Variants in CCDC149 observed in about 807,000 individuals in gnomAD.
CCDC149 encodes coiled-coil domain containing 149, also known as coiled-coil domain-containing protein 149.
CCDC149 carries 45 observed loss-of-function variants against 59.9 expected under a neutral mutation model. The ratio of observed to expected loss-of-function variants is 0.75; its 90% CI spans 0.59 to 0.96. CCDC149 has a LOEUF of 0.96. Among genes scored for constraint, CCDC149 ranks in the 40% least tolerant of loss-of-function variants. The probability of loss-of-function intolerance (pLI) is 0.00; values close to 1 mark genes in which losing one functional copy is unlikely to be tolerated. For missense variants in CCDC149, 584 were observed against 664.7 expected (o/e 0.88, Z 1.33); for synonymous variants, 245 against 260.6 (o/e 0.94, Z 0.58).
intron 1 of CCDC149, among the ~76,000 whole-genome samples, chr4:24,953,477 G>C (rs530816295): frequency 6.6e-6 from 1 of 152,142 alleles, no homozygotes; most frequent in Non-Finnish European, 1.5e-5. Flanking sequence ...AAGTGACTGC[G>C]CATAGCCAGG....
intron 1 of CCDC149, among the ~76,000 whole-genome samples, chr4:24,968,289 C>T (rs1438790039): frequency 6.6e-6 from 1 of 152,224 alleles, no homozygotes; most frequent in Non-Finnish European, 1.5e-5. Context: ...AAACAGCTAG[C>T]ACCTGTATAT....
intron 6 of CCDC149, among the ~76,000 whole-genome samples, chr4:24,836,856 C>T (rs1335349309): frequency 6.6e-6 from 1 of 152,126 alleles, no homozygotes; most frequent in Non-Finnish European, 1.5e-5. Context: ...AAGTTAGACA[C>T]ACACACACTG....
At chr4:24,870,113 C>T (rs1306324849) in intron 3 of CCDC149, among the ~76,000 whole-genome samples, 1 of 152,190 alleles carries the variant, frequency 6.6e-6, no homozygotes, top group Non-Finnish European at 1.5e-5. Flanking sequence ...GTCAGGTAAA[C>T]TACAGAATGT....
intron 1 of CCDC149, among the ~76,000 whole-genome samples, chr4:24,907,477 C>G (rs1196234235): frequency 6.6e-6 from 1 of 152,168 alleles, no homozygotes; most frequent in East Asian, 1.9e-4. Flanking sequence ...TGAGCGATTT[C>G]TTGCAGTTTA....
chr4:24,824,051 G>A (rs1257907077), intron 9 of CCDC149, among the ~76,000 whole-genome samples: 2 of 152,164 alleles, frequency 1.3e-5, no homozygotes, highest in South Asian at 2.1e-4. Flanking sequence ...GTTTCTTAAC[G>A]AGATCAGATC....
chr4:24,913,375 G>A (rs188077027), upstream of CCDC149, among the ~76,000 whole-genome samples: 612 of 152,348 alleles, frequency 4.0e-3, 4 homozygotes, highest in African/African-American at 0.014. Flanking sequence ...TTGGTTCGCA[G>A]ATGTGCCTTT....
intron 9 of CCDC149, chr4:24,827,105 A>G (rs2109119399): frequency 6.6e-6 from 1 of 152,370 alleles, no homozygotes; most frequent in South Asian, 2.1e-4. Context: ...GGTTTTAGAT[A>G]GTAATGACAT....
upstream of CCDC149, among the ~76,000 whole-genome samples, chr4:24,917,723 G>A (rs574596710): frequency 1.3e-5 from 2 of 152,232 alleles, no homozygotes; most frequent in East Asian, 1.9e-4. Flanking sequence ...TGCAGCCCAC[G>A]GAAGGAGTTA....
chr4:24,919,972 G>C (rs1722238632), intron 1 of CCDC149, among the ~76,000 whole-genome samples: 1 of 152,200 alleles, frequency 6.6e-6, no homozygotes, highest in African/African-American at 2.4e-5. Flanking sequence ...GGCCCAGAGA[G>C]ATAAAGCAAT....
At chr4:24,915,130 A>G (rs1490723635), upstream of CCDC149, among the ~76,000 whole-genome samples, 32 of 152,268 alleles carry the variant, frequency 2.1e-4, no homozygotes, top group Admixed American at 2.1e-3. Context: ...CTAAGGAGCT[A>G]GAAAGAAGGT....
chr4:24,962,502 A>G (rs942350731), intron 1 of CCDC149, among the ~76,000 whole-genome samples: 2 of 152,256 alleles, frequency 1.3e-5, no homozygotes, highest in Admixed American at 6.5e-5. Flanking sequence ...TATCCGCTAT[A>G]CCTGGATTAA....
At chr4:24,964,684 A>C (rs947499459) in intron 1 of CCDC149, among the ~76,000 whole-genome samples, 1 of 152,174 alleles carries the variant, frequency 6.6e-6, no homozygotes, top group Non-Finnish European at 1.5e-5. Context: ...AATGGCTGAA[A>C]ACTCCCCGAA....
rs577458639 is a variant in CCDC149 at position 24,811,295 on chromosome 4, T to C, written c.1193-2476A>G. On this transcript the variant is annotated intron_variant, in intron 12 of 12. Transcript: ENST00000635206. Reference sequence around the variant, plus strand: ...ACTGATCTGTAGAGCTAGGAACCCATATCCACTGCTTTCACTTCCCAGAGC... The same window carrying C: ...ACTGATCTGTAGAGCTAGGAACCCACATCCACTGCTTTCACTTCCCAGAGC... Among the ~76,000 whole-genome samples the C allele has an allele frequency of 2.6e-4, 40 of 152,288 alleles. 1 individual carries two copies. The South Asian group carries it at 6.4e-3, about 24-fold the overall frequency.
At chr4:24,909,497 A>G in intron 1 of CCDC149, among the ~76,000 whole-genome samples, 1 of 152,186 alleles carries the variant, frequency 6.6e-6, no homozygotes, top group Non-Finnish European at 1.5e-5. Context: ...TGGGCAGCTC[A>G]GCTTGTAAGA....
chr4:24,818,980 A>C (rs1457125993), intron 12 of CCDC149, among the ~76,000 whole-genome samples: 3 of 152,176 alleles, frequency 2.0e-5, no homozygotes, highest in Non-Finnish European at 4.4e-5. Flanking sequence ...AAAACTTCAA[A>C]AGACATGAAG....
At chr4:24,935,016 G>A (rs778663072) in intron 1 of CCDC149, among the ~76,000 whole-genome samples, 7 of 152,186 alleles carry the variant, frequency 4.6e-5, no homozygotes, top group Admixed American at 4.6e-4. Flanking sequence ...GATCCCACTG[G>A]CTTCCATGTA....
intron 1 of CCDC149, among the ~76,000 whole-genome samples, chr4:24,957,027 C>G (rs1448836263): frequency 2.6e-5 from 4 of 152,206 alleles, no homozygotes; most frequent in Non-Finnish European, 5.9e-5. Context: ...TGTGGAATCT[C>G]TGGCTCCAAC....
At chr4:24,835,087 A>G in intron 7 of CCDC149, 55 bp from the exon 8 acceptor site, 1 of 1,246,834 alleles carries the variant, frequency 8.0e-7, no homozygotes, top group Non-Finnish European at 1.2e-6. Context: ...ACAATGGAAA[A>G]GTACCTAGCA....
intron 1 of CCDC149, among the ~76,000 whole-genome samples, chr4:24,979,078 CA>C: frequency 6.6e-6 from 1 of 152,272 alleles, no homozygotes; most frequent in African/African-American, 2.4e-5. Context: ...AAATGGAAGC[CA>C]GTAAAGGGTG....
Sources: gnomAD v4.1 joint callset for allele counts (sites outside exome capture counted in the v4.1 genomes callset) on GRCh38, gnomAD v4.1.1 for gene constraint, MANE v1.5 for transcripts, NCBI Gene and HGNC (gene_info 2026-07-23, HGNC 2026-07-21) for gene names.